The following FKBP1A variants were observed in gnomAD, a reference collection of about 807,000 sequenced individuals.
FKBP1A encodes peptidyl-prolyl cis-trans isomerase FKBP1A.
A neutral mutation model predicts 14.2 loss-of-function variants in FKBP1A; 5 were observed. The observed-to-expected ratio is 0.35, with a 90% CI of 0.18 to 0.74. The LOEUF is 0.74. FKBP1A is among the 30% of genes least tolerant of loss of function. FKBP1A has a pLI of 0.56. For missense variants in FKBP1A, 53 were observed against 138.8 expected (o/e 0.38, Z 3.10); for synonymous variants, 42 against 49.1 (o/e 0.86, Z 0.60).
At chr20:1,389,427 T>C (rs988790497) in intron 2 of FKBP1A, among the ~76,000 whole-genome samples, 3 of 152,036 alleles carry the variant, frequency 2.0e-5, no homozygotes, top group African/African-American at 4.8e-5. Context: ...AAGAGATACC[T>C]AGCAAGGGAG....
chr20:1,370,627 T>C lies in FKBP1A; in HGVS notation c.*37-555A>G, dbSNP rs905150308. The C allele has an allele frequency of 8.1e-6, 8 of 985,448 alleles. No homozygotes were observed. In the African/African-American group the frequency reaches 1.4e-4, roughly 17 times the overall value. The allele number at this position is 985,448 out of a possible 1,614,324, so 61.0% of individuals were successfully genotyped here. ...TCACTCAACTTAAAACTTTCTGGGT[T>C]TGCCCTTGGATTTTCCTTCCAGACT... On this transcript the variant is annotated intron_variant, in intron 4 of 4. Coordinates refer to ENST00000400137, the MANE Select transcript of FKBP1A (RefSeq NM_000801.5).
At chr20:1,370,388 G>A (rs2089447863) in intron 4 of FKBP1A, 1 of 985,144 alleles carries the variant, frequency 1.0e-6, no homozygotes, top group Non-Finnish European at 1.2e-6. Flanking sequence ...GTCTCAAACT[G>A]TGCTACATAT....
intron 2 of FKBP1A, among the ~76,000 whole-genome samples, 164 bp downstream of exon 2, chr20:1,392,670 A>G (rs923976400): frequency 2.6e-5 from 4 of 151,936 alleles, no homozygotes; most frequent in Non-Finnish European, 4.4e-5. Flanking sequence ...CGCAAGCCCC[A>G]GGCTGCCCCT....
At position 1,379,412 on chromosome 20, in the gene FKBP1A, G is replaced by A. The variant is rs2089592394; in HGVS notation, c.86-3809C>T. On this transcript the variant is annotated intron_variant, in intron 2 of 4. Coordinates refer to ENST00000400137, the MANE Select transcript of FKBP1A (RefSeq NM_000801.5). This position sits in a 1 kb window ranked among gnomAD's most constrained non-coding sequence, Gnocchi z 4.3. ...TGTGTATGTTCTTCAGTGGCTCTAT[G>A]TGAGGATGCCTGTCTAACCCCAGCT... Among the ~76,000 whole-genome samples, 2 of 152,204 alleles carry A rather than the reference G, an allele frequency of 1.3e-5. No homozygotes were observed. Among genetic ancestry groups the A allele is most frequent in the South Asian group, 2.1e-4 (1 of 4,834 alleles).
At chr20:1,391,227 G>A (rs577766672) in intron 2 of FKBP1A, among the ~76,000 whole-genome samples, 6 of 152,144 alleles carry the variant, frequency 3.9e-5, no homozygotes, top group Admixed American at 2.0e-4. Flanking sequence ...AGCTCCTCAC[G>A]GCTTGAGTCC....
rs2089427471 is a variant in FKBP1A, at chr20:1,369,173, T to G, written c.*936A>C. On this transcript the variant is annotated 3_prime_UTR_variant, in exon 5 of 5. Coordinates refer to ENST00000400137, the MANE Select transcript of FKBP1A (RefSeq NM_000801.5). ...GAGCCAAGCATCAAAAAACAGGAGA[T>G]GCTGAAGCTGCGATGACCAGCATCA... is the stretch of plus-strand genomic sequence containing the variant. 1 of 166,998 alleles carries G rather than the reference T, an allele frequency of 6.0e-6. No homozygotes were observed. The highest frequency in any genetic ancestry group is 1.5e-5 in the Non-Finnish European group (1 of 68,116). The allele number at this position is 166,998 out of a possible 1,614,324, so 10.3% of individuals were successfully genotyped here. A position where few individuals can be genotyped will look rare whatever the true frequency, so the allele number is the denominator to read the frequency against.
intron 1 of FKBP1A, 28 bp downstream of exon 1, chr20:1,392,934 C>T: frequency 6.7e-7 from 1 of 1,496,402 alleles, no homozygotes; most frequent in Non-Finnish European, 8.9e-7. Flanking sequence ...GGCAGAGGTA[C>T]TCCGAGCCGC....
chr20:1,375,837 C>A (rs2089534365), intron 2 of FKBP1A, among the ~76,000 whole-genome samples: 1 of 152,024 alleles, frequency 6.6e-6, no homozygotes, highest in East Asian at 1.9e-4. Context: ...ACAAAAGGAC[C>A]CCGCGTACCA....
At chr20:1,381,763 T>C (rs1040034990) in intron 2 of FKBP1A, among the ~76,000 whole-genome samples, 1 of 152,174 alleles carries the variant, frequency 6.6e-6, no homozygotes, top group African/African-American at 2.4e-5. Flanking sequence ...AATTGATACA[T>C]GGGACAATAC....
chr20:1,388,598 A>G (rs771342259), intron 2 of FKBP1A, among the ~76,000 whole-genome samples: 12 of 152,330 alleles, frequency 7.9e-5, no homozygotes, highest in African/African-American at 2.4e-4. Context: ...AAGAACCCAC[A>G]TGCTCTTTGG....
intron 2 of FKBP1A, among the ~76,000 whole-genome samples, chr20:1,382,187 T>C (rs1247241681): frequency 6.6e-6 from 1 of 152,200 alleles, no homozygotes; most frequent in Non-Finnish European, 1.5e-5. Flanking sequence ...GCTCCAATTT[T>C]AACTCTGGAG....
At chr20:1,377,407 G>A (rs892972801) in intron 2 of FKBP1A, 4 of 152,414 alleles carry the variant, frequency 2.6e-5, no homozygotes, top group African/African-American at 9.6e-5. Flanking sequence ...CTAAGAGGTA[G>A]ACAGGAGGGT....
rs1315442670 is a variant in FKBP1A at position 1,379,763 on chromosome 20, T to G, written c.86-4160A>C. Among the ~76,000 whole-genome samples the G allele has an allele frequency of 6.6e-6, 1 of 152,124 alleles. No individual in the cohort carries two copies. The highest frequency in any genetic ancestry group is 2.4e-5 in the African/African-American group (1 of 41,422). On this transcript the variant is annotated intron_variant, in intron 2 of 4. Coordinates refer to ENST00000400137, the MANE Select transcript of FKBP1A (RefSeq NM_000801.5). This position sits in a 1 kb window ranked among gnomAD's most constrained non-coding sequence, Gnocchi z 4.3. ...ATTTCCCATAATCGAGTCCGAAAGCTAAACAATAATCCCCCGAAATGGGTG... is the reference window on the plus strand; with the variant it reads ...ATTTCCCATAATCGAGTCCGAAAGCGAAACAATAATCCCCCGAAATGGGTG...
At chr20:1,380,967 T>G (rs1364496285) in intron 2 of FKBP1A, among the ~76,000 whole-genome samples, 1 of 152,200 alleles carries the variant, frequency 6.6e-6, no homozygotes, top group African/African-American at 2.4e-5. Flanking sequence ...TAACTCAAAA[T>G]GGATCCTAGA....
In FKBP1A at chr20:1,369,798, T is replaced by C. The variant is rs1470926458; in HGVS notation, c.*311A>G. ...TGTTAATACTTGACCATGTACTTAA[T>C]TGGAAACCTATATCCAAAAGACTGA... is the stretch of plus-strand genomic sequence containing the variant. On this transcript the variant is annotated 3_prime_UTR_variant, in exon 5 of 5. Transcript: ENST00000400137. 3 of 413,636 alleles carry C rather than the reference T, an allele frequency of 7.3e-6. No homozygotes were observed. Among genetic ancestry groups the C allele is most frequent in the South Asian group, 5.4e-5 (1 of 18,590 alleles). 25.6% of individuals were successfully genotyped at this position (413,636 alleles called of 1,614,324 possible).
chr20:1,374,335 G>A (rs1228037216), intron 3 of FKBP1A: 1 of 152,152 alleles, frequency 6.6e-6, no homozygotes, highest in African/African-American at 2.4e-5. Flanking sequence ...TTCCACAAAT[G>A]GGGAGGAAAG....
chr20:1,370,666 G>C (rs1409149377), intron 4 of FKBP1A: 9 of 985,306 alleles, frequency 9.1e-6, no homozygotes, highest in African/African-American at 1.7e-5. Context: ...GCAAGAAGCT[G>C]AGACATTCTT....
rs145541375 is a variant in FKBP1A, at chr20:1,392,451, C to T, written c.85+383G>A. Among the ~76,000 whole-genome samples, 150 of 152,266 alleles carry T rather than the reference C, an allele frequency of 9.9e-4. 1 individual carries two copies. The highest frequency in any genetic ancestry group is 3.4e-3 in the African/African-American group (141 of 41,546). ...ATGGTACAAATCCTTCCTAATGGTC[C>T]CTGGCCAGAGCTCTGCCCATTCCTG... is the stretch of plus-strand genomic sequence containing the variant. On this transcript the variant is annotated intron_variant, in intron 2 of 4. Transcript: ENST00000400137.
chr20:1,385,409 A>T (rs1015802309), intron 2 of FKBP1A, among the ~76,000 whole-genome samples: 1 of 152,052 alleles, frequency 6.6e-6, no homozygotes, highest in Non-Finnish European at 1.5e-5. Context: ...CAAAAGAAAT[A>T]CCACTTAACA....
Sources: gnomAD v4.1 joint callset for allele counts (sites outside exome capture counted in the v4.1 genomes callset) on GRCh38, gnomAD v4.1.1 for gene constraint, Gnocchi (gnomAD v3.1) non-coding constraint, MANE v1.5 for transcripts, NCBI Gene and HGNC (gene_info 2026-07-23, HGNC 2026-07-21) for gene names.